The following ROR1 variants were observed in gnomAD, a reference collection of about 807,000 sequenced individuals.
ROR1 encodes the protein inactive tyrosine-protein kinase transmembrane receptor ROR1.
In ROR1, 19 loss-of-function variants were observed where a neutral mutation model predicts 78.8. The observed-to-expected ratio is 0.24, with a 90% confidence interval of 0.17 to 0.35. The LOEUF is 0.35. Ranked by LOEUF, ROR1 falls within the 10% of genes least tolerant of loss-of-function variation. The pLI is 1.00. For synonymous variants in ROR1, 386 were observed against 433.6 expected (o/e 0.89, Z 1.36); for missense variants, 917 against 1,177.8 (o/e 0.78, Z 3.24).
chr1:63,828,396 A>G (rs1644967785), intron 1 of ROR1, among the ~76,000 whole-genome samples: 1 of 152,166 alleles, frequency 6.6e-6, no homozygotes, highest in African/African-American at 2.4e-5. Context: ...AATTTCATAC[A>G]TTTGATCAGA....
At chr1:64,073,289 A>T (rs1747924) in intron 4 of ROR1, among the ~76,000 whole-genome samples, 3 of 151,952 alleles carry the variant, frequency 2.0e-5, no homozygotes, top group Non-Finnish European at 2.9e-5. Flanking sequence ...CCAATCAGTC[A>T]GAAGATCCAA....
At chr1:63,958,273 A>G (rs1033350258) in intron 1 of ROR1, among the ~76,000 whole-genome samples, 2 of 152,128 alleles carry the variant, frequency 1.3e-5, no homozygotes, top group Non-Finnish European at 2.9e-5. Context: ...CTAGTGTACA[A>G]TCAATAGTAT....
intron 1 of ROR1, among the ~76,000 whole-genome samples, chr1:63,787,822 G>A (rs190856346): frequency 1.3e-4 from 20 of 152,314 alleles, no homozygotes; most frequent in Non-Finnish European, 2.5e-4. Flanking sequence ...CACTGCACCC[G>A]GCCTATCGCC....
chr1:63,951,660 C>T (rs1033830625), intron 1 of ROR1, among the ~76,000 whole-genome samples: 1 of 152,118 alleles, frequency 6.6e-6, no homozygotes, highest in East Asian at 1.9e-4. Flanking sequence ...TCTCCAGGGG[C>T]CTAGGAGGGG....
At chr1:64,078,031 A>G (rs1647067058) in intron 4 of ROR1, among the ~76,000 whole-genome samples, 1 of 152,202 alleles carries the variant, frequency 6.6e-6, no homozygotes, top group African/African-American at 2.4e-5. Context: ...CAAATAGAAC[A>G]TAATATCTGG....
chr1:64,007,864 G>A lies in ROR1; in HGVS notation c.92-1441G>A, dbSNP rs552216591. Among the ~76,000 whole-genome samples, 42 of 152,036 alleles carry A rather than the reference G, an allele frequency of 2.8e-4. 2 individuals are homozygous for A. Among genetic ancestry groups the A allele is most frequent in the African/African-American group, 9.9e-4 (41 of 41,472 alleles). ...TAAGACTGGTCTTTCAACAAGAAAA[G>A]GAGTTTATGTTTGATTATGTGTGGT... On this transcript the variant is annotated intron_variant, in intron 1 of 8. Coordinates refer to ENST00000371079, the MANE Select transcript of ROR1 (RefSeq NM_005012.4).
chr1:64,178,477 G>A lies in ROR1; in HGVS notation c.2436G>A (p.Gln812=). 1 of 1,614,184 alleles carries A rather than the reference G, an allele frequency of 6.2e-7. No individual in the cohort carries two copies. Among genetic ancestry groups the A allele is most frequent in the Non-Finnish European group, 8.5e-7 (1 of 1,180,036 alleles). ...IAGFIGPPIP[Q]NQRFIPINGY... Reference sequence around the variant, plus strand: ...GTTTCATTGGCCCGCCAATACCTCAGAACCAGCGATTCATTCCCATCAATG... The same window carrying A: ...GTTTCATTGGCCCGCCAATACCTCAAAACCAGCGATTCATTCCCATCAATG... The change falls in exon 9 of 9, where the codon CAG becomes CAA. Residue 812 remains glutamine (Q), a synonymous_variant. Coordinates refer to ENST00000371079, the MANE Select transcript of ROR1 (RefSeq NM_005012.4). The surrounding 1 kb of genome is among the most constrained non-coding windows in gnomAD (Gnocchi z 4.3).
chr1:64,030,962 A>G (rs984008503), intron 2 of ROR1, among the ~76,000 whole-genome samples: 1 of 152,016 alleles, frequency 6.6e-6, no homozygotes, highest in African/African-American at 2.4e-5. Context: ...CTGCAGCCTC[A>G]ATTTCCTGGC....
At chr1:64,051,268 G>A (rs562298918) in intron 4 of ROR1, among the ~76,000 whole-genome samples, 2 of 151,916 alleles carry the variant, frequency 1.3e-5, no homozygotes, top group African/African-American at 4.8e-5. Context: ...TGGCTAACAT[G>A]GTGAAACCCG....
intron 4 of ROR1, among the ~76,000 whole-genome samples, chr1:64,135,574 C>T (rs539369968): frequency 3.3e-5 from 5 of 152,076 alleles, no homozygotes; most frequent in Non-Finnish European, 4.4e-5. Flanking sequence ...AAGTGTGGGT[C>T]ATCAAGAACC....
At chr1:64,127,736 A>G (rs1470300954) in intron 4 of ROR1, among the ~76,000 whole-genome samples, 1 of 152,236 alleles carries the variant, frequency 6.6e-6, no homozygotes, top group Non-Finnish European at 1.5e-5. Context: ...AAATCTCAAT[A>G]GGGCATAATG....
At chr1:63,895,965 G>C (rs1011355364) in intron 1 of ROR1, among the ~76,000 whole-genome samples, 1 of 152,002 alleles carries the variant, frequency 6.6e-6, no homozygotes, top group Non-Finnish European at 1.5e-5. Flanking sequence ...GATACCCTCT[G>C]TTCAGTAAAA....
chr1:63,935,636 C>T (rs1362496695), intron 1 of ROR1, among the ~76,000 whole-genome samples: 1 of 152,096 alleles, frequency 6.6e-6, no homozygotes, highest in Non-Finnish European at 1.5e-5. Flanking sequence ...GAAAGGAAAC[C>T]AAGACTATAT....
chr1:64,117,550 T>A (rs147751779), intron 4 of ROR1, among the ~76,000 whole-genome samples: 5 of 152,116 alleles, frequency 3.3e-5, no homozygotes, highest in African/African-American at 1.2e-4. Context: ...CATCACCTGC[T>A]GCATGCCACA....
Position 64,152,753 on chromosome 1 carries a change from G to A in ROR1, c.1175-6228G>A, listed in dbSNP as rs184607783. On this transcript the variant is annotated intron_variant, in intron 7 of 8. Coordinates refer to ENST00000371079, the MANE Select transcript of ROR1 (RefSeq NM_005012.4). ...ATTTTATTCCATAATTAAACAGTTA[G>A]GTATCTTTCCTAGATTCTGGCCATT... Among the ~76,000 whole-genome samples the A allele has an allele frequency of 1.8e-4, 27 of 152,174 alleles. 1 individual carries two copies. The East Asian group carries it at 5.2e-3, about 29-fold the overall frequency.
At chr1:64,159,669 G>GT (rs1649881879) in intron 8 of ROR1, among the ~76,000 whole-genome samples, 1 of 135,462 alleles carries the variant, frequency 7.4e-6, no homozygotes, top group South Asian at 2.5e-4. Context: ...AAATTTTGTT[G>GT]TGTTTTTTTA....
At chr1:64,131,888 G>T (rs898761632) in intron 4 of ROR1, among the ~76,000 whole-genome samples, 10 of 152,068 alleles carry the variant, frequency 6.6e-5, no homozygotes, top group African/African-American at 2.4e-4. Flanking sequence ...CCTAAAGTGC[G>T]GGGATTATAG....
chr1:63,847,640 A>G (rs150310728), intron 1 of ROR1, among the ~76,000 whole-genome samples: 131 of 152,314 alleles, frequency 8.6e-4, no homozygotes, highest in African/African-American at 2.8e-3. Flanking sequence ...ACCCACTTCA[A>G]TTGAAAGCCA....
At position 64,178,509 on chromosome 1, in the gene ROR1, C is replaced by T; in HGVS notation, c.2468C>T (p.Pro823Leu). Residue 823 changes from proline (P) to leucine (L), a missense_variant, in exon 9 of 9, where the codon CCA becomes CTA. Physicochemically the swap from Pro to Leu is moderately conservative, Grantham distance 98. Coordinates refer to ENST00000371079, the MANE Select transcript of ROR1 (RefSeq NM_005012.4). The surrounding 1 kb of genome is among the most constrained non-coding windows in gnomAD (Gnocchi z 4.3). ...CGATTCATTCCCATCAATGGATACCCAATACCTCCTGGATATGCAGCGTTT... is the reference window on the plus strand; with the variant it reads ...CGATTCATTCCCATCAATGGATACCTAATACCTCCTGGATATGCAGCGTTT... The part of the protein sequence containing the change: ...NQRFIPINGY[P>L]IPPGYAAFPA... 1 of 1,614,210 alleles carries T rather than the reference C, an allele frequency of 6.2e-7. No individual in the cohort carries two copies. Among genetic ancestry groups the T allele is most frequent in the Non-Finnish European group, 8.5e-7 (1 of 1,180,054 alleles).
Sources: gnomAD v4.1 joint callset for allele counts (sites outside exome capture counted in the v4.1 genomes callset) on GRCh38, gnomAD v4.1.1 for gene constraint, Gnocchi (gnomAD v3.1) non-coding constraint, MANE v1.5 for transcripts, NCBI Gene and HGNC (gene_info 2026-07-23, HGNC 2026-07-21) for gene names.